The following KCNIP4 variants were observed in gnomAD, a reference collection of about 807,000 sequenced individuals.
KCNIP4 encodes potassium voltage-gated channel interacting protein 4, also known as Kv channel-interacting protein 4.
In KCNIP4, 12 loss-of-function variants were observed where a neutral mutation model predicts 34.0. That is an observed-to-expected ratio of 0.35 (90% confidence interval 0.23 to 0.57). KCNIP4 has a LOEUF of 0.57. Among genes scored for constraint, KCNIP4 ranks in the 20% least tolerant of loss-of-function variants. KCNIP4 has a pLI of 0.83. For missense variants in KCNIP4, 238 were observed against 311.7 expected, an observed-to-expected ratio of 0.76 and a Z score of 1.78; for synonymous variants, 124 against 102.2, an observed-to-expected ratio of 1.21 and a Z score of -1.29.
intron 1 of KCNIP4, among the ~76,000 whole-genome samples, chr4:21,798,778 A>C (rs966922): frequency 0.36 from 54,795 of 151,788 alleles, 11,320 homozygotes; most frequent in East Asian, 0.64. Flanking sequence ...ATTCCTGCAC[A>C]CTTAGAAGGC....
At chr4:20,849,563 G>T (rs1720780194) in intron 3 of KCNIP4, among the ~76,000 whole-genome samples, 1 of 152,156 alleles carries the variant, frequency 6.6e-6, no homozygotes, top group South Asian at 2.1e-4. Context: ...ATGTGAAGAG[G>T]ATGGCATTAG....
chr4:21,107,148 A>G (rs1748625374), intron 1 of KCNIP4, among the ~76,000 whole-genome samples: 1 of 146,842 alleles, frequency 6.8e-6, no homozygotes, highest in Non-Finnish European at 1.5e-5. Flanking sequence ...ATTCCTGGGT[A>G]TCCTTTTTAA....
chr4:20,881,072 G>A (rs1724631638), intron 2 of KCNIP4, among the ~76,000 whole-genome samples: 1 of 152,122 alleles, frequency 6.6e-6, no homozygotes, highest in South Asian at 2.1e-4. Flanking sequence ...TTTTGGTTTG[G>A]TTTTTAATCT....
At chr4:20,754,135 C>T (rs548806023) in intron 4 of KCNIP4, among the ~76,000 whole-genome samples, 19 of 152,204 alleles carry the variant, frequency 1.2e-4, no homozygotes, top group African/African-American at 1.9e-4. Flanking sequence ...ACCAACAAAC[C>T]GTTTCCTCTC....
chr4:20,805,874 A>C (rs921488968), intron 3 of KCNIP4, among the ~76,000 whole-genome samples: 1 of 152,112 alleles, frequency 6.6e-6, no homozygotes, highest in African/African-American at 2.4e-5. Context: ...TGGCTGCTCA[A>C]AAGAAATTTT....
chr4:21,913,808 T>C (rs1480853372), intron 1 of KCNIP4, among the ~76,000 whole-genome samples: 1 of 152,170 alleles, frequency 6.6e-6, no homozygotes, highest in Non-Finnish European at 1.5e-5. Flanking sequence ...GGTTATGTTC[T>C]GAGTGTAACA....
chr4:21,856,621 G>T (rs1389821649), intron 1 of KCNIP4, among the ~76,000 whole-genome samples: 1 of 152,148 alleles, frequency 6.6e-6, no homozygotes, highest in Non-Finnish European at 1.5e-5. Flanking sequence ...GGGGCTGGAA[G>T]TAGGCAGGAG....
At chr4:21,013,791 C>A (rs1739269606) in intron 1 of KCNIP4, among the ~76,000 whole-genome samples, 1 of 152,130 alleles carries the variant, frequency 6.6e-6, no homozygotes, top group Non-Finnish European at 1.5e-5. Context: ...GAACAGAGAC[C>A]AGAGTTCCAG....
intron 1 of KCNIP4, among the ~76,000 whole-genome samples, chr4:21,564,020 T>TA (rs1739653994): frequency 6.6e-6 from 1 of 152,124 alleles, no homozygotes; most frequent in African/African-American, 2.4e-5. Context: ...ACATTGTTTT[T>TA]ATCTACTATC....
chr4:21,111,411 T>G (rs1476928849), intron 1 of KCNIP4, among the ~76,000 whole-genome samples: 4 of 152,186 alleles, frequency 2.6e-5, no homozygotes, highest in Admixed American at 6.5e-5. Context: ...AAGGGAGCAA[T>G]AGAAATCCCA....
At chr4:21,368,249 CACACACACAATAAAT>C (rs1719989660) in intron 1 of KCNIP4, among the ~76,000 whole-genome samples, 1 of 146,954 alleles carries the variant, frequency 6.8e-6, no homozygotes, top group African/African-American at 2.7e-5. Context: ...CACACACACA[CACACACACAATAAAT>C]ATGACGTTAG....
At chr4:21,621,668 T>C (rs572521742) in intron 1 of KCNIP4, among the ~76,000 whole-genome samples, 1 of 152,262 alleles carries the variant, frequency 6.6e-6, no homozygotes, top group South Asian at 2.1e-4. Flanking sequence ...ACTTCTTTTT[T>C]TTAATAGACA....
At chr4:21,911,397 G>C (rs1027406974) in intron 1 of KCNIP4, among the ~76,000 whole-genome samples, 1 of 151,276 alleles carries the variant, frequency 6.6e-6, no homozygotes, top group Non-Finnish European at 1.5e-5. Context: ...CATTTTAACT[G>C]TCTAGTACTT....
intron 1 of KCNIP4, among the ~76,000 whole-genome samples, chr4:20,897,123 T>A (rs1024926886): frequency 4.0e-5 from 6 of 151,412 alleles, no homozygotes; most frequent in African/African-American, 1.5e-4. Flanking sequence ...ATTGTCCAGT[T>A]TTTGTTTCAA....
intron 1 of KCNIP4, among the ~76,000 whole-genome samples, chr4:21,310,344 G>T (rs1202018067): frequency 6.6e-6 from 1 of 151,958 alleles, no homozygotes. Flanking sequence ...CCTTGCCAGA[G>T]AATTTACCCA....
At chr4:21,399,809 A>G (rs897993291) in intron 1 of KCNIP4, among the ~76,000 whole-genome samples, 5 of 152,136 alleles carry the variant, frequency 3.3e-5, no homozygotes, top group Non-Finnish European at 7.4e-5. Flanking sequence ...TTTCCTATGC[A>G]ATATTAGGAA....
At chr4:21,403,786 G>A (rs1312533386) in intron 1 of KCNIP4, among the ~76,000 whole-genome samples, 1 of 152,290 alleles carries the variant, frequency 6.6e-6, no homozygotes, top group South Asian at 2.1e-4. Flanking sequence ...TTCCAAGAGG[G>A]TGCCCTGTTT....
chr4:21,744,126 T>C (rs963241481), intron 1 of KCNIP4, among the ~76,000 whole-genome samples: 1 of 152,128 alleles, frequency 6.6e-6, no homozygotes, highest in Non-Finnish European at 1.5e-5. Flanking sequence ...CTAATAAACA[T>C]TTTGCAGACC....
chr4:21,865,135 A>G (rs1725340762), intron 1 of KCNIP4, among the ~76,000 whole-genome samples: 1 of 152,160 alleles, frequency 6.6e-6, no homozygotes, highest in Non-Finnish European at 1.5e-5. Context: ...TTTAAAAAAA[A>G]GCTAATTGAT....
Sources: gnomAD v4.1 joint callset for allele counts (sites outside exome capture counted in the v4.1 genomes callset) on GRCh38, gnomAD v4.1.1 for gene constraint, MANE v1.5 for transcripts, NCBI Gene and HGNC (gene_info 2026-07-23, HGNC 2026-07-21) for gene names.